LRRIQ3: variants seen among roughly 807,000 people sequenced by gnomAD.
LRRIQ3 encodes the protein leucine-rich repeat and IQ domain-containing protein 3.
A neutral mutation model predicts 59.3 loss-of-function variants in LRRIQ3; 75 were observed. That is an observed-to-expected ratio of 1.26 (90% CI 1.05 to 1.53). LRRIQ3 has a LOEUF of 1.53. Ranked by LOEUF, LRRIQ3 falls within the 40% of genes most tolerant of loss-of-function variation. The probability of loss-of-function intolerance (pLI) is 0.00; values close to 1 mark genes in which losing one functional copy is unlikely to be tolerated. For synonymous variants in LRRIQ3, 250 were observed against 231.3 expected (o/e 1.08, Z -0.73); for missense variants, 831 against 710.0 (o/e 1.17, Z -1.94).
chr1:74,052,455 G>A (rs1016258860), intron 6 of LRRIQ3, among the ~76,000 whole-genome samples: 1 of 152,032 alleles, frequency 6.6e-6, no homozygotes, highest in East Asian at 1.9e-4. Flanking sequence ...TTGCTGTGAG[G>A]GTTGAGTGAA....
At chr1:74,119,309 C>G (rs1266479264) in intron 4 of LRRIQ3, among the ~76,000 whole-genome samples, 1 of 151,742 alleles carries the variant, frequency 6.6e-6, no homozygotes, top group Non-Finnish European at 1.5e-5. Context: ...GGTTAAAGAT[C>G]TTTTGATATG....
rs368786237 is a variant in LRRIQ3, at chr1:74,080,474, G to A, written c.868-5684C>T. Among the ~76,000 whole-genome samples, 37 of 151,618 alleles carry A rather than the reference G, an allele frequency of 2.4e-4. 1 individual carries two copies. Among genetic ancestry groups the A allele is most frequent in the East Asian group, 1.4e-3 (7 of 5,162 alleles). On this transcript the variant is annotated intron_variant, in intron 5 of 7. Transcript: ENST00000354431. Reference sequence around the variant, plus strand: ...GATTTATCTTTAAAAATTAAGGAGCGGTAGCAGTGGTAACCATTGCCTCTA... The same window carrying A: ...GATTTATCTTTAAAAATTAAGGAGCAGTAGCAGTGGTAACCATTGCCTCTA...
intron 7 of LRRIQ3, among the ~76,000 whole-genome samples, chr1:74,028,532 T>G (rs1033380835): frequency 6.6e-6 from 1 of 151,926 alleles, no homozygotes; most frequent in Non-Finnish European, 1.5e-5. Flanking sequence ...AAGATTAGAG[T>G]TCTGACTGGA....
intron 1 of LRRIQ3, among the ~76,000 whole-genome samples, chr1:74,188,724 A>T (rs1650567176): frequency 6.6e-6 from 1 of 152,160 alleles, no homozygotes; most frequent in South Asian, 2.1e-4. Context: ...GAACTGAGTC[A>T]GGTTTCAATA....
intron 4 of LRRIQ3, among the ~76,000 whole-genome samples, chr1:74,154,445 A>AGAG (rs1446978974): frequency 2.0e-5 from 3 of 152,000 alleles, no homozygotes; most frequent in African/African-American, 7.2e-5. Context: ...AGAGCTTTAA[A>AGAG]GAGAGAGAAA....
chr1:74,092,753 G>A (rs1265401499), intron 5 of LRRIQ3, among the ~76,000 whole-genome samples: 1 of 152,018 alleles, frequency 6.6e-6, no homozygotes, highest in Non-Finnish European at 1.5e-5. Context: ...AGCTTACTGA[G>A]ATTCTAGTGA....
chr1:74,034,925 T>C (rs534677146), intron 7 of LRRIQ3, among the ~76,000 whole-genome samples: 7 of 152,052 alleles, frequency 4.6e-5, no homozygotes, highest in Non-Finnish European at 8.8e-5. Context: ...AATATGTATG[T>C]ACATAATTTG....
At chr1:74,148,784 C>T (rs761842901) in intron 4 of LRRIQ3, among the ~76,000 whole-genome samples, 1 of 152,102 alleles carries the variant, frequency 6.6e-6, no homozygotes, top group Non-Finnish European at 1.5e-5. Context: ...ATGCGAGTAA[C>T]ACCAGGGAAC....
chr1:74,113,402 A>G (rs1167130134), intron 4 of LRRIQ3, among the ~76,000 whole-genome samples: 4 of 152,004 alleles, frequency 2.6e-5, no homozygotes. Flanking sequence ...CTTGATTTTG[A>G]AAAATTAATC....
intron 5 of LRRIQ3, among the ~76,000 whole-genome samples, chr1:74,106,809 A>T (rs1450620770): frequency 6.6e-6 from 1 of 152,026 alleles, no homozygotes; most frequent in Non-Finnish European, 1.5e-5. Flanking sequence ...AATAGTATAC[A>T]AGTTTTCCTT....
intron 6 of LRRIQ3, among the ~76,000 whole-genome samples, chr1:74,070,062 T>A (rs1654977860): frequency 6.6e-6 from 1 of 152,092 alleles, no homozygotes; most frequent in Non-Finnish European, 1.5e-5. Context: ...GGGAAGCAGC[T>A]TGGTGACTTC....
intron 3 of LRRIQ3, among the ~76,000 whole-genome samples, chr1:74,177,074 TAG>T (rs1163467244): frequency 6.6e-6 from 1 of 152,220 alleles, no homozygotes; most frequent in Non-Finnish European, 1.5e-5. Flanking sequence ...TTCATTTAGA[TAG>T]AGAGAGCAGG....
intron 3 of LRRIQ3, among the ~76,000 whole-genome samples, chr1:74,156,669 A>C (rs547888990): frequency 1.3e-5 from 2 of 152,320 alleles, no homozygotes; most frequent in Non-Finnish European, 2.9e-5. Flanking sequence ...ACTTTGATTC[A>C]TAAAATAATG....
At position 74,074,777 on chromosome 1, in the gene LRRIQ3, G is replaced by T; in HGVS notation, c.881C>A (p.Pro294His). The change falls in exon 6 of 8, where the codon CCT (proline) becomes CAT (histidine). Residue 294 changes from proline (P) to histidine (H), a missense_variant. Coordinates refer to ENST00000354431, the MANE Select transcript of LRRIQ3 (RefSeq NM_001105659.2). ...LAYWKHNIYY[P>H]VDLKNSSEHR... The stretch of plus-strand genomic sequence containing the variant: ...TTCACTGGAATTTTTTAAATCAACA[G>T]GATAATATATATTCTGTGAAAATAA... 7.3e-7 allele frequency: 1 copy of T among 1,363,998 alleles called. No individual in the cohort carries two copies. Among genetic ancestry groups the T allele is most frequent in the Non-Finnish European group, 9.9e-7 (1 of 1,011,568 alleles). The allele number at this position is 1,363,998 out of a possible 1,614,324, so 84.5% of individuals were successfully genotyped here. A position where few individuals can be genotyped will look rare whatever the true frequency, so the allele number is the denominator to read the frequency against.
intron 4 of LRRIQ3, among the ~76,000 whole-genome samples, chr1:74,115,929 C>T (rs1331579474): frequency 6.6e-6 from 1 of 151,630 alleles, no homozygotes; most frequent in Non-Finnish European, 1.5e-5. Flanking sequence ...ATGACAAAAA[C>T]CAAATATTAA....
chr1:74,183,695 TAAG>T lies in LRRIQ3; in HGVS notation c.1-14_1-12del. The stretch of plus-strand genomic sequence containing the variant: ...TGTTCCATGAAACATCTAGGAAAGA[TAAG>T]AAAGTGCTTTGATTTTTTTTTCCAC... On this transcript the variant is annotated splice_polypyrimidine_tract_variant and intron_variant, in intron 1 of 7. Transcript: ENST00000354431. 4 of 1,444,848 alleles carry T rather than the reference TAAG, an allele frequency of 2.8e-6. No individual in the cohort carries two copies. The highest frequency in any genetic ancestry group is 3.7e-6 in the Non-Finnish European group (4 of 1,092,502). 89.5% of individuals were successfully genotyped at this position (1,444,848 alleles called of 1,614,324 possible).
chr1:74,055,517 A>T (rs1017426723), intron 6 of LRRIQ3, among the ~76,000 whole-genome samples: 11 of 152,166 alleles, frequency 7.2e-5, no homozygotes, highest in Non-Finnish European at 1.0e-4. Context: ...TGTAACATTT[A>T]TCAGTATTTC....
chr1:74,047,007 G>A (rs1189818205), intron 6 of LRRIQ3, among the ~76,000 whole-genome samples: 1 of 152,200 alleles, frequency 6.6e-6, no homozygotes, highest in African/African-American at 2.4e-5. Context: ...TGGTGGAAGT[G>A]TAAATTAGTT....
At chr1:74,177,500 A>G (rs921734698) in intron 3 of LRRIQ3, among the ~76,000 whole-genome samples, 18 of 152,146 alleles carry the variant, frequency 1.2e-4, no homozygotes, top group African/African-American at 4.3e-4. Context: ...AAGAAGAAAA[A>G]CAAACCAGGA....
Sources: allele counts gnomAD v4.1 joint callset (sites outside exome capture counted in the v4.1 genomes callset), GRCh38; gene constraint gnomAD v4.1.1; transcripts MANE v1.5; gene names NCBI Gene and HGNC (gene_info 2026-07-23, HGNC 2026-07-21).